Variants in COL25A1 observed in about 807,000 individuals in gnomAD.
COL25A1 encodes the protein collagen type XXV alpha 1 chain, also known as collagen alpha-1(XXV) chain.
COL25A1 carries 103 observed loss-of-function variants against 128.4 expected under a neutral mutation model. The observed-to-expected ratio is 0.80, with a 90% CI of 0.68 to 0.94. The LOEUF is 0.94. Ranked by LOEUF, COL25A1 falls within the 40% of genes least tolerant of loss-of-function variation. COL25A1 has a pLI of 0.00. For synonymous variants in COL25A1, 279 were observed against 277.2 expected, an observed-to-expected ratio of 1.01 and a Z score of -0.06; for missense variants, 745 against 840.0, an observed-to-expected ratio of 0.89 and a Z score of 1.40.
chr4:108,856,381 AC>A (rs538868269), intron 24 of COL25A1, among the ~76,000 whole-genome samples: 169 of 152,280 alleles, frequency 1.1e-3, no homozygotes, highest in Admixed American at 1.8e-3. Context: ...TATGATTATA[AC>A]TGTAATATAT....
At chr4:108,954,265 A>G (rs1383451351) in intron 8 of COL25A1, among the ~76,000 whole-genome samples, 1 of 152,104 alleles carries the variant, frequency 6.6e-6, no homozygotes, top group Non-Finnish European at 1.5e-5. Context: ...TAAATATTGA[A>G]AAATCATAAA....
chr4:108,937,439 G>C (rs1747555158), intron 11 of COL25A1, among the ~76,000 whole-genome samples: 1 of 152,014 alleles, frequency 6.6e-6, no homozygotes, highest in Non-Finnish European at 1.5e-5. Flanking sequence ...AAAGTTTGCT[G>C]TGCTAATTCA....
At chr4:109,000,769 G>A (rs148946704) in intron 6 of COL25A1, among the ~76,000 whole-genome samples, 10,748 of 54,858 alleles carry the variant, frequency 0.2, 1,992 homozygotes, top group Middle Eastern at 0.27. Flanking sequence ...AAAAAAAAAA[G>A]AAAAAACTAT....
In COL25A1 at chr4:108,988,375, A is replaced by T. The variant is rs761925289; in HGVS notation, c.439-13816T>A. ...CCTGATAGCAATAAAAAAGACACAG[A>T]TATCTGTGTATCCAACATGCTTCCA... On this transcript the variant is annotated intron_variant, in intron 6 of 37. Transcript: ENST00000399132. 5.5e-4 allele frequency among the ~76,000 whole-genome samples: 84 copies of T among 152,212 alleles called. 1 individual carries two copies. Among genetic ancestry groups the T allele is most frequent in the South Asian group, 4.1e-4 (2 of 4,836 alleles).
At chr4:108,927,524 T>C (rs1746213481) in intron 11 of COL25A1, among the ~76,000 whole-genome samples, 1 of 152,180 alleles carries the variant, frequency 6.6e-6, no homozygotes, top group Non-Finnish European at 1.5e-5. Context: ...TTTAAGTATC[T>C]GAGATTTTTG....
intron 3 of COL25A1, among the ~76,000 whole-genome samples, chr4:109,153,595 A>C (rs1424928681): frequency 1.3e-5 from 2 of 152,158 alleles, no homozygotes; most frequent in Non-Finnish European, 1.5e-5. Flanking sequence ...AGTGTCACCA[A>C]CAACAACAAA....
At chr4:108,868,555 GA>G in intron 20 of COL25A1, among the ~76,000 whole-genome samples, 1 of 137,520 alleles carries the variant, frequency 7.3e-6, no homozygotes, top group African/African-American at 2.7e-5. Context: ...AAAAAAGAAA[GA>G]AAGAAAGAGA....
chr4:109,210,607 T>C (rs1356550563), intron 3 of COL25A1, among the ~76,000 whole-genome samples: 2 of 152,116 alleles, frequency 1.3e-5, no homozygotes, highest in Non-Finnish European at 2.9e-5. Context: ...GGCTGAAAAA[T>C]CATACAATCG....
intron 3 of COL25A1, among the ~76,000 whole-genome samples, chr4:109,268,672 A>G (rs989188986): frequency 6.6e-6 from 1 of 152,246 alleles, no homozygotes; most frequent in Non-Finnish European, 1.5e-5. Context: ...CCTAATATGT[A>G]TAAACCAGAA....
intron 3 of COL25A1, among the ~76,000 whole-genome samples, chr4:109,081,444 T>G (rs1269693137): frequency 6.6e-6 from 1 of 152,238 alleles, no homozygotes; most frequent in African/African-American, 2.4e-5. Flanking sequence ...TATACTATTT[T>G]TTCGGAAACT....
intron 8 of COL25A1, among the ~76,000 whole-genome samples, chr4:108,959,650 C>G (rs1216404518): frequency 2.0e-5 from 3 of 152,262 alleles, no homozygotes; most frequent in Non-Finnish European, 4.4e-5. Context: ...ATATACAATT[C>G]TGGGTAGATA....
rs185692027 is a variant in COL25A1, at chr4:108,966,744, G to A, written c.492+7623C>T. On this transcript the variant is annotated intron_variant, in intron 8 of 37. Transcript: ENST00000399132. Reference sequence around the variant, plus strand: ...TGTGTGCCTGTAGTCCCAGCTATTCGGGGGACTGAGGCAGGAGGATCACCT... The same window carrying A: ...TGTGTGCCTGTAGTCCCAGCTATTCAGGGGACTGAGGCAGGAGGATCACCT... 2.2e-3 allele frequency among the ~76,000 whole-genome samples: 334 copies of A among 151,932 alleles called. 2 individuals carry two copies. Among genetic ancestry groups the A allele is most frequent in the African/African-American group, 7.5e-3 (312 of 41,444 alleles).
At chr4:109,173,694 A>G (rs1010415836) in intron 3 of COL25A1, among the ~76,000 whole-genome samples, 6 of 152,328 alleles carry the variant, frequency 3.9e-5, no homozygotes, top group African/African-American at 1.4e-4. Flanking sequence ...TTATATGTCA[A>G]TAATTATATT....
intron 6 of COL25A1, among the ~76,000 whole-genome samples, chr4:108,985,038 C>T (rs765868708): frequency 5.3e-5 from 8 of 152,244 alleles, no homozygotes; most frequent in Non-Finnish European, 1.0e-4. Context: ...TCAGATGAGG[C>T]TAGGAGAGTC....
chr4:109,104,997 G>A (rs1287201742), intron 3 of COL25A1, among the ~76,000 whole-genome samples: 1 of 152,128 alleles, frequency 6.6e-6, no homozygotes, highest in African/African-American at 2.4e-5. Flanking sequence ...GATAAATATT[G>A]AAATGCCTGC....
At chr4:108,893,510 A>G (rs1741767242) in intron 16 of COL25A1, among the ~76,000 whole-genome samples, 1 of 152,124 alleles carries the variant, frequency 6.6e-6, no homozygotes, top group African/African-American at 2.4e-5. Context: ...GACTGTGCTG[A>G]AGCTGCTGGC....
intron 3 of COL25A1, among the ~76,000 whole-genome samples, chr4:109,129,583 T>C (rs1352242212): frequency 6.6e-6 from 1 of 152,188 alleles, no homozygotes; most frequent in Non-Finnish European, 1.5e-5. Flanking sequence ...GAGTGGACAA[T>C]TTATGAATAA....
intron 3 of COL25A1, among the ~76,000 whole-genome samples, chr4:109,120,982 T>C (rs1768059870): frequency 6.6e-6 from 1 of 152,098 alleles, no homozygotes; most frequent in Non-Finnish European, 1.5e-5. Flanking sequence ...ACATTCCATA[T>C]TCATGGACAG....
intron 3 of COL25A1, among the ~76,000 whole-genome samples, chr4:109,233,140 A>C (rs180973508): frequency 6.6e-6 from 1 of 152,182 alleles, no homozygotes; most frequent in East Asian, 1.9e-4. Flanking sequence ...GGTTGTTTTT[A>C]TTTCTTTAAG....
Sources: gnomAD v4.1 joint callset for allele counts (sites outside exome capture counted in the v4.1 genomes callset) on GRCh38, gnomAD v4.1.1 for gene constraint, MANE v1.5 for transcripts, NCBI Gene and HGNC (gene_info 2026-07-23, HGNC 2026-07-21) for gene names.